SLC10A7: variants seen among roughly 807,000 people sequenced by gnomAD.
The protein encoded by SLC10A7 is solute carrier family 10 member 7.
A neutral mutation model predicts 43.2 loss-of-function variants in SLC10A7; 29 were observed. The ratio of observed to expected loss-of-function variants is 0.67; its 90% confidence interval spans 0.50 to 0.92. SLC10A7 has a LOEUF of 0.92. Among genes scored for constraint, SLC10A7 ranks in the 40% least tolerant of loss-of-function variants. The probability of loss-of-function intolerance (pLI) is 0.00; values close to 1 mark genes in which losing one functional copy is unlikely to be tolerated. For missense variants in SLC10A7, 295 were observed against 403.2 expected (o/e 0.73, Z 2.30); for synonymous variants, 152 against 144.8 (o/e 1.05, Z -0.35).
At chr4:146,459,775 A>G (rs1451507219) in intron 4 of SLC10A7, among the ~76,000 whole-genome samples, 1 of 151,896 alleles carries the variant, frequency 6.6e-6, no homozygotes, top group Non-Finnish European at 1.5e-5. Flanking sequence ...TATCTACGTT[A>G]GGCTACAAAA....
chr4:146,494,454 G>C (rs974495006), intron 4 of SLC10A7, among the ~76,000 whole-genome samples: 1 of 152,178 alleles, frequency 6.6e-6, no homozygotes, highest in Non-Finnish European at 1.5e-5. Context: ...GGGGTCATAT[G>C]GCTTTAGCTA....
At chr4:146,466,092 A>C (rs1733005729) in intron 4 of SLC10A7, among the ~76,000 whole-genome samples, 1 of 152,184 alleles carries the variant, frequency 6.6e-6, no homozygotes, top group South Asian at 2.1e-4. Context: ...ACTACTCCTT[A>C]CATCTACTTT....
At chr4:146,301,427 G>A (rs987525002) in intron 7 of SLC10A7, among the ~76,000 whole-genome samples, 1 of 152,138 alleles carries the variant, frequency 6.6e-6, no homozygotes, top group African/African-American at 2.4e-5. Flanking sequence ...ACTGTGAAGG[G>A]CTTTGGGGCC....
In SLC10A7 at chr4:146,256,411, CACAAGT is replaced by C. The variant is rs1553945810; in HGVS notation, c.*74_*79del. The C allele has an allele frequency of 3.6e-6, 5 of 1,383,144 alleles. No individual in the cohort carries two copies. Among genetic ancestry groups the C allele is most frequent in the Admixed American group, 1.9e-5 (1 of 54,020 alleles). 85.7% of individuals were successfully genotyped at this position (1,383,144 alleles called of 1,614,324 possible). ...ATAAAATATGCATTGAGGCAACATT[CACAAGT>C]ACAAGTCTTCAGAATTGCTAGTATG... On this transcript the variant is annotated 3_prime_UTR_variant, in exon 12 of 12. Coordinates refer to ENST00000335472, the MANE Select transcript of SLC10A7 (RefSeq NM_001029998.6).
intron 1 of SLC10A7, among the ~76,000 whole-genome samples, chr4:146,517,684 G>A (rs1738151100): frequency 6.6e-6 from 1 of 152,026 alleles, no homozygotes; most frequent in Non-Finnish European, 1.5e-5. Flanking sequence ...AAGCACACAG[G>A]ACAGCATGTA....
chr4:146,462,931 G>A (rs1343471003), intron 4 of SLC10A7, among the ~76,000 whole-genome samples: 2 of 152,066 alleles, frequency 1.3e-5, no homozygotes, highest in Non-Finnish European at 2.9e-5. Flanking sequence ...ACATTCTTAT[G>A]TAAGTTCAGA....
At chr4:146,452,967 A>G (rs1731714761) in intron 4 of SLC10A7, among the ~76,000 whole-genome samples, 1 of 151,954 alleles carries the variant, frequency 6.6e-6, no homozygotes, top group Non-Finnish European at 1.5e-5. Context: ...AAAATATTAC[A>G]GGAATTAACA....
chr4:146,281,395 T>TA (rs1729541234), intron 10 of SLC10A7, among the ~76,000 whole-genome samples: 4 of 64,440 alleles, frequency 6.2e-5, no homozygotes, highest in South Asian at 5.6e-4. Flanking sequence ...TGAAGTAAAA[T>TA]CAAAAAAAAA....
intron 11 of SLC10A7, 139 bp from the exon 12 acceptor site, chr4:146,256,659 C>G: frequency 9.4e-7 from 1 of 1,067,084 alleles, no homozygotes; most frequent in Non-Finnish European, 1.4e-6. Flanking sequence ...ATAATCCAAA[C>G]CTCTGGATAC....
intron 5 of SLC10A7, among the ~76,000 whole-genome samples, chr4:146,344,925 A>G (rs1031586368): frequency 3.3e-5 from 5 of 152,156 alleles, no homozygotes; most frequent in Non-Finnish European, 7.4e-5. Context: ...CACCCATATA[A>G]ACAACTGTTC....
intron 5 of SLC10A7, among the ~76,000 whole-genome samples, chr4:146,409,371 G>A (rs1727972212): frequency 6.9e-6 from 1 of 144,760 alleles, no homozygotes; most frequent in African/African-American, 2.5e-5. Context: ...ACTCAAAAAA[G>A]TACATATTGT....
At chr4:146,506,232 G>T (rs1004656662) in intron 3 of SLC10A7, among the ~76,000 whole-genome samples, 1 of 152,098 alleles carries the variant, frequency 6.6e-6, no homozygotes, top group African/African-American at 2.4e-5. Context: ...CTGCACTCCA[G>T]CTGGGCAGCA....
intron 5 of SLC10A7, among the ~76,000 whole-genome samples, chr4:146,433,817 A>T (rs1579175842): frequency 6.6e-6 from 1 of 152,152 alleles, no homozygotes; most frequent in Non-Finnish European, 1.5e-5. Context: ...ATGCCACTGA[A>T]CTTCATCCTG....
intron 9 of SLC10A7, among the ~76,000 whole-genome samples, chr4:146,286,511 T>A (rs1181062473): frequency 5.3e-5 from 8 of 150,814 alleles, no homozygotes; most frequent in African/African-American, 1.7e-4. Context: ...AAGGACTGTG[T>A]TTGGAGTGGT....
At chr4:146,462,028 T>G (rs1732584502) in intron 4 of SLC10A7, among the ~76,000 whole-genome samples, 1 of 152,026 alleles carries the variant, frequency 6.6e-6, no homozygotes, top group South Asian at 2.1e-4. Flanking sequence ...GTAAATTTTG[T>G]GAAGTGAATG....
intron 2 of SLC10A7, among the ~76,000 whole-genome samples, chr4:146,510,321 G>A (rs745551188): frequency 3.3e-5 from 5 of 150,442 alleles, no homozygotes; most frequent in Non-Finnish European, 5.9e-5. Flanking sequence ...GTACAGTGGC[G>A]CGATCTTGGC....
rs1487181908 is a variant in SLC10A7 at position 146,466,043 on chromosome 4, GA to G, written c.397-23223del. ...AGTTGAAAGAAGTTTATGTGTTTTA[GA>G]AAAAAAAGTGGATGCTTTTAAAAAA... On this transcript the variant is annotated intron_variant, in intron 4 of 11. Coordinates refer to ENST00000335472, the MANE Select transcript of SLC10A7 (RefSeq NM_001029998.6). Among the ~76,000 whole-genome samples the G allele has an allele frequency of 4.6e-5, 7 of 151,752 alleles. No individual in the cohort carries two copies. In the East Asian group the frequency reaches 9.7e-4, roughly 21 times the overall value.
intron 5 of SLC10A7, among the ~76,000 whole-genome samples, chr4:146,368,871 A>C (rs1736574781): frequency 6.6e-6 from 1 of 152,186 alleles, no homozygotes; most frequent in Admixed American, 6.5e-5. Flanking sequence ...TAGTCTATGA[A>C]AGTGCTTTTG....
intron 4 of SLC10A7, among the ~76,000 whole-genome samples, chr4:146,451,260 A>G (rs988205794): frequency 2.5e-4 from 37 of 150,824 alleles, no homozygotes; most frequent in Non-Finnish European, 5.5e-4. Flanking sequence ...ACAAAAAAAA[A>G]CCAGGACCAG....
Sources: gnomAD v4.1 joint callset for allele counts (sites outside exome capture counted in the v4.1 genomes callset) on GRCh38, gnomAD v4.1.1 for gene constraint, MANE v1.5 for transcripts, NCBI Gene and HGNC (gene_info 2026-07-23, HGNC 2026-07-21) for gene names.